CLPP: variants seen among roughly 807,000 people sequenced by gnomAD.
CLPP encodes the protein caseinolytic mitochondrial matrix peptidase proteolytic subunit.
Under a neutral mutation model 27.4 loss-of-function variants are expected in CLPP, and 14 were observed. The ratio of observed to expected loss-of-function variants is 0.51; its 90% confidence interval spans 0.34 to 0.80. The LOEUF (loss-of-function observed/expected upper bound fraction) is 0.80. Among genes scored for constraint, CLPP ranks in the 30% least tolerant of loss-of-function variants. CLPP has a pLI of 0.02. For missense variants in CLPP, 361 were observed against 403.6 expected (o/e 0.89, Z 0.90); for synonymous variants, 193 against 166.6 (o/e 1.16, Z -1.22).
chr19:6,364,731 G>GTTT (rs371513262), intron 4 of CLPP, 92 bp downstream of exon 4: 84 of 867,890 alleles, frequency 9.7e-5, no homozygotes, highest in Admixed American at 1.3e-4. Flanking sequence ...GGGAGGGGAT[G>GTTT]TTTTTTTTTT....
Position 6,362,529 on chromosome 19 carries a change from C to A in CLPP, c.354C>A (p.Tyr118Ter). 6.2e-7 allele frequency: 1 copy of A among 1,612,994 alleles called. No individual in the cohort carries two copies. Residue 118 changes from tyrosine (Y) to a stop codon, truncating the protein, a stop_gained, in exon 3 of 6, where the codon TAC becomes TAA. Transcript: ENST00000245816. LOFTEE classifies it high-confidence loss of function. Reference protein sequence around the residue: ...SESNKKPIHMYINSPGGVVTA... With the variant: ...SESNKKPIHM ...GCAACAAGAAGCCCATCCACATGTACATCAACAGCCCTGGTGAGCAGGGTC... is the reference window on the plus strand; with the variant it reads ...GCAACAAGAAGCCCATCCACATGTAAATCAACAGCCCTGGTGAGCAGGGTC...
intron 3 of CLPP, among the ~76,000 whole-genome samples, chr19:6,363,231 A>G (rs1025553783): frequency 4.0e-5 from 6 of 151,032 alleles, no homozygotes; most frequent in Non-Finnish European, 8.8e-5. Context: ...GGTTCAAGCG[A>G]TTCTCCAGCT....
intron 5 of CLPP, among the ~76,000 whole-genome samples, chr19:6,367,583 G>T (rs78494599): frequency 6.6e-6 from 1 of 151,888 alleles, no homozygotes; most frequent in African/African-American, 2.4e-5. Flanking sequence ...GGCCCAAGTG[G>T]GGTTTCAGGG....
At chr19:6,364,822 G>A in intron 4 of CLPP, 183 bp downstream of exon 4, 1 of 584,552 alleles carries the variant, frequency 1.7e-6, no homozygotes, top group South Asian at 2.3e-5. Context: ...TCCGCCTCCT[G>A]GGTTCACGCC....
intron 3 of CLPP, 95 bp from the exon 4 acceptor site, chr19:6,364,357 C>T: frequency 2.6e-6 from 3 of 1,141,436 alleles, no homozygotes; most frequent in Non-Finnish European, 3.7e-6. Context: ...AGGAGGGGGG[C>T]TGCATCTGTT....
chr19:6,368,573 A>G lies in CLPP; in HGVS notation c.697A>G (p.Met233Val), dbSNP rs753634588. Reference protein sequence around the residue: ...AMERDRYMSPMEAQEFGILDK... With the variant: ...AMERDRYMSPVEAQEFGILDK... ...GGAGAGGGACCGCTACATGAGCCCC[A>G]TGGAGGCCCAGGAGTTTGGCATCTT... is the stretch of plus-strand genomic sequence containing the variant. The change falls in exon 6 of 6, where the codon ATG becomes GTG. Residue 233 changes from methionine to valine, a missense_variant. This residue lies in a region of CLPP where 213 missense variants were observed against 280.9 expected (regional missense o/e 0.76). Transcript: ENST00000245816. 7.4e-6 allele frequency: 12 copies of G among 1,614,048 alleles called. No homozygotes were observed. Among genetic ancestry groups the G allele is most frequent in the South Asian group, 1.1e-5 (1 of 91,062 alleles).
rs1283510556 is a variant in CLPP, at chr19:6,361,538, C to T, written c.-37C>T. The stretch of plus-strand genomic sequence containing the variant: ...CAAAGCACGCCGGAAGCTGTAGTTC[C>T]GCCATCGGACGGAAGCCGACCGGGG... On this transcript the variant is annotated 5_prime_UTR_variant, in exon 1 of 6. Transcript: ENST00000245816. 1 of 1,369,628 alleles carries T rather than the reference C, an allele frequency of 7.3e-7. No homozygotes were observed. The highest frequency in any genetic ancestry group is 9.5e-7 in the Non-Finnish European group (1 of 1,054,934). The allele number at this position is 1,369,628 out of a possible 1,614,324, so 84.8% of individuals were successfully genotyped here. A position where few individuals can be genotyped will look rare whatever the true frequency, so the allele number is the denominator to read the frequency against.
Position 6,364,460 on chromosome 19 carries a change from G to T in CLPP, c.376G>T (p.Val126Leu). Residue 126 changes from valine to leucine, a missense_variant, in exon 4 of 6, where the codon GTG becomes TTG. By Grantham distance (32) the Val-to-Leu change is conservative (BLOSUM62 1). Around this residue, in one of 2 missense-constraint regions of CLPP, gnomAD observed 213 missense variants for 280.9 expected, o/e 0.76. Transcript: ENST00000245816. ...TGCTCCCCCGCCCACAGGTGGTGTG[G>T]TGACCGCGGGCCTGGCCATCTACGA... ...HMYINSPGGV[V>L]TAGLAIYDTM... The T allele has an allele frequency of 2.5e-6, 4 of 1,607,382 alleles. No individual in the cohort carries two copies. The highest frequency in any genetic ancestry group is 3.4e-6 in the Non-Finnish European group (4 of 1,178,284).
At chr19:6,366,168 G>A in intron 4 of CLPP, 90 bp from the exon 5 acceptor site, 1 of 796,868 alleles carries the variant, frequency 1.3e-6, no homozygotes, top group East Asian at 2.7e-5. Flanking sequence ...CAAAGCCCAG[G>A]GAAGCTCCTG....
intron 2 of CLPP, 29 bp from the exon 3 acceptor site, chr19:6,362,417 G>A (rs2091840282): frequency 6.4e-7 from 1 of 1,550,810 alleles, no homozygotes; most frequent in Non-Finnish European, 8.9e-7. Flanking sequence ...CCCCGAATCT[G>A]GGGACACCCC....
Position 6,361,811 on chromosome 19 carries a change from G to C in CLPP, c.198+39G>C, listed in dbSNP as rs2091835359. 5 of 1,566,014 alleles carry C rather than the reference G, an allele frequency of 3.2e-6. No individual in the cohort carries two copies. The South Asian group carries it at 3.4e-5, about 11-fold the overall frequency. On this transcript the variant is annotated intron_variant, in intron 1 of 5. Transcript: ENST00000245816. ...GCGGGGACACGGTTCGGGGGCTCCG[G>C]GCTGGGTGGGGATCGGCTGGCTGCC...
chr19:6,366,707 C>T (rs943833907), intron 5 of CLPP, among the ~76,000 whole-genome samples: 10 of 151,948 alleles, frequency 6.6e-5, no homozygotes, highest in Admixed American at 3.3e-4. Context: ...GGCATGATCT[C>T]GGCTCATTGC....
rs1568322451 is a variant in CLPP at position 6,364,619 on chromosome 19, C to G, written c.535C>G (p.Gln179Glu). ...SLPNSRIMIHQPSGGARGQAT... is the reference protein window; with the variant it reads ...SLPNSRIMIHEPSGGARGQAT... ...CCCCAACTCCCGTATCATGATCCAC[C>G]AGCCCTCAGGAGGCGCCCGGGTGAG... The change falls in exon 4 of 6, where the codon CAG becomes GAG. Residue 179 changes from glutamine to glutamate, a missense_variant. Gln to Glu is a conservative substitution (Grantham distance 29). Coordinates refer to ENST00000245816, the MANE Select transcript of CLPP (RefSeq NM_006012.4). 6.2e-7 allele frequency: 1 copy of G among 1,612,028 alleles called. No homozygotes were observed. Among genetic ancestry groups the G allele is most frequent in the Non-Finnish European group, 8.5e-7 (1 of 1,179,632 alleles).
At position 6,369,370 on chromosome 19, in the gene CLPP, A is replaced by G. The variant is rs1292746261; in HGVS notation, c.*660A>G. Among the ~76,000 whole-genome samples the G allele has an allele frequency of 6.6e-6, 1 of 151,534 alleles. No homozygotes were observed. The highest frequency in any genetic ancestry group is 2.1e-4 in the South Asian group (1 of 4,812). On this transcript the variant is annotated 3_prime_UTR_variant, in exon 6 of 6. Coordinates refer to ENST00000245816, the MANE Select transcript of CLPP (RefSeq NM_006012.4). ...GGTGGAGGTTGCAGTGAGCAGGATC[A>G]CGCCACTGCCCTTTAGCCTGGGCAA...
In CLPP at chr19:6,361,743, C is replaced by G. The variant is rs767455557; in HGVS notation, c.169C>G (p.Pro57Ala). 9 of 1,522,166 alleles carry G rather than the reference C, an allele frequency of 5.9e-6. No homozygotes were observed. In the African/African-American group the frequency reaches 1.1e-4, roughly 19 times the overall value. 94.3% of individuals were successfully genotyped at this position (1,522,166 alleles called of 1,614,324 possible). A position where few individuals can be genotyped will look rare whatever the true frequency, so the allele number is the denominator to read the frequency against. The change falls in exon 1 of 6, where the codon CCG becomes GCG. Residue 57 changes from proline to alanine, a missense_variant. Pro to Ala is a conservative substitution (Grantham distance 27). Coordinates refer to ENST00000245816, the MANE Select transcript of CLPP (RefSeq NM_006012.4). ...CLHATATRAL[P>A]LIPIVVEQTG... ...GCACGCGACGGCGACCCGGGCTCTC[C>G]CGCTCATTCCCATCGTGGTGGAGCA...
chr19:6,362,168 C>T, intron 2 of CLPP: 1 of 601,846 alleles, frequency 1.7e-6, no homozygotes, highest in Non-Finnish European at 3.0e-6. Context: ...ACACCTGGCA[C>T]CGCTCCCCTC....
At position 6,368,233 on chromosome 19, in the gene CLPP, T is replaced by C. The variant is rs150818871; in HGVS notation, c.662-305T>C. On this transcript the variant is annotated intron_variant, in intron 5 of 5. Coordinates refer to ENST00000245816, the MANE Select transcript of CLPP (RefSeq NM_006012.4). ...GGGTGCCAGCTGATTCGGTTCTTGG[T>C]GAGTGCTCTCTTCCTGGCTTGCAGA... is the stretch of plus-strand genomic sequence containing the variant. Among the ~76,000 whole-genome samples the C allele has an allele frequency of 5.5e-3, 830 of 152,110 alleles. 4 individuals carry two copies. The highest frequency in any genetic ancestry group is 0.019 in the African/African-American group (789 of 41,490).
At chr19:6,367,721 ATT>A (rs55682354) in intron 5 of CLPP, among the ~76,000 whole-genome samples, 7 of 142,078 alleles carry the variant, frequency 4.9e-5, no homozygotes, top group Non-Finnish European at 4.6e-5. Context: ...ATCAATAACA[ATT>A]TTTTTTTTTT....
chr19:6,364,829 C>T (rs1334533723), intron 4 of CLPP, 190 bp downstream of exon 4: 78 of 558,048 alleles, frequency 1.4e-4, no homozygotes, highest in Admixed American at 1.0e-3. Context: ...CCTGGGTTCA[C>T]GCCATTCTTC....
Sources: allele counts gnomAD v4.1 joint callset (sites outside exome capture counted in the v4.1 genomes callset), GRCh38; gene constraint gnomAD v4.1.1; regional missense constraint gnomAD v4.1.1; transcripts MANE v1.5; gene names NCBI Gene and HGNC (gene_info 2026-07-23, HGNC 2026-07-21).